The following RABGAP1 variants were observed in gnomAD, a reference collection of about 807,000 sequenced individuals.
RABGAP1 encodes rab GTPase-activating protein 1.
RABGAP1 carries 23 observed loss-of-function variants against 137.6 expected under a neutral mutation model. The observed-to-expected ratio is 0.17, with a 90% CI of 0.12 to 0.24. The LOEUF (loss-of-function observed/expected upper bound fraction) is 0.24, where lower values mean the gene tolerates loss of function less well. Ranked by LOEUF, RABGAP1 falls within the 10% of genes least tolerant of loss-of-function variation. The pLI is 1.00. For missense variants in RABGAP1, 906 were observed against 1,275.8 expected (o/e 0.71, Z 4.42); for synonymous variants, 451 against 450.7 (o/e 1.00, Z -0.01).
At chr9:122,973,704 C>G (rs1835599819) in intron 2 of RABGAP1, among the ~76,000 whole-genome samples, 1 of 152,128 alleles carries the variant, frequency 6.6e-6, no homozygotes, top group Non-Finnish European at 1.5e-5. Context: ...GTTTCTGATA[C>G]TGCTTTTTTA....
intron 10 of RABGAP1, among the ~76,000 whole-genome samples, chr9:123,009,801 C>T (rs892140408): frequency 6.9e-6 from 1 of 145,624 alleles, no homozygotes; most frequent in Non-Finnish European, 1.5e-5. Context: ...TGACCCCACC[C>T]CAACTCCAAG....
intron 4 of RABGAP1, among the ~76,000 whole-genome samples, chr9:122,988,851 G>C (rs140180182): frequency 1.9e-3 from 290 of 151,520 alleles, no homozygotes; most frequent in African/African-American, 6.2e-3. Flanking sequence ...GCTGAGGCAG[G>C]AGAATCACTT....
At chr9:123,058,807 CAAGGTTT>C (rs2033852693) in intron 13 of RABGAP1, among the ~76,000 whole-genome samples, 2 of 152,104 alleles carry the variant, frequency 1.3e-5, no homozygotes, top group South Asian at 4.2e-4. Flanking sequence ...AAGTGGAAAA[CAAGGTTT>C]AATTTGTTAA....
intron 13 of RABGAP1, among the ~76,000 whole-genome samples, chr9:123,060,854 GTTA>G (rs146761057): frequency 3.3e-5 from 5 of 152,240 alleles, no homozygotes; most frequent in East Asian, 1.9e-4. Flanking sequence ...TTTAACATTT[GTTA>G]TTATGTGAAA....
At chr9:122,974,968 T>A (rs150086521) in intron 2 of RABGAP1, among the ~76,000 whole-genome samples, 20 of 152,312 alleles carry the variant, frequency 1.3e-4, no homozygotes, top group African/African-American at 4.3e-4. Flanking sequence ...AATATCCAAA[T>A]TGGACTTTTG....
At chr9:123,072,687 T>C (rs569505232) in intron 15 of RABGAP1, among the ~76,000 whole-genome samples, 1 of 152,350 alleles carries the variant, frequency 6.6e-6, no homozygotes, top group Admixed American at 6.5e-5. Flanking sequence ...CCAGATACTC[T>C]TAACTTACCA....
At chr9:123,009,170 A>G (rs549265062) in intron 10 of RABGAP1, among the ~76,000 whole-genome samples, 14 of 152,362 alleles carry the variant, frequency 9.2e-5, no homozygotes, top group Admixed American at 7.8e-4. Context: ...CTTTTGCACT[A>G]TAACAGCAGA....
At chr9:123,100,389 G>A (rs1186501292) in intron 24 of RABGAP1, among the ~76,000 whole-genome samples, 1 of 19,182 alleles carries the variant, frequency 5.2e-5, no homozygotes, top group African/African-American at 7.6e-5. Flanking sequence ...CCAGATGTGT[G>A]TGTGTGTGTG....
chr9:123,076,805 G>T (rs553253870), intron 19 of RABGAP1, 43 bp downstream of exon 19: 2 of 1,461,016 alleles, frequency 1.4e-6, no homozygotes, highest in Admixed American at 2.1e-5. Context: ...TTTTCACTTA[G>T]TGTCTCACTA....
At chr9:123,080,152 G>A (rs1270869130) in intron 19 of RABGAP1, among the ~76,000 whole-genome samples, 1 of 152,154 alleles carries the variant, frequency 6.6e-6, no homozygotes, top group Non-Finnish European at 1.5e-5. Context: ...TGGAAAGGTG[G>A]GGAAAGTCCA....
In RABGAP1 at chr9:122,941,025, G is replaced by C. The variant is rs2131558605; in HGVS notation, c.-118G>C. ...TGGGGGGGCGGGGACAGGGCGGTTT[G>C]GGAGGCCCAGGCGGCGGAGCCTCCG... is the stretch of plus-strand genomic sequence containing the variant. On this transcript the variant is annotated 5_prime_UTR_variant, in exon 1 of 26. Transcript: ENST00000373647. 1 of 152,800 alleles carries C rather than the reference G, an allele frequency of 6.5e-6. No homozygotes were observed. Among genetic ancestry groups the C allele is most frequent in the East Asian group, 1.9e-4 (1 of 5,168 alleles). 9.5% of individuals were successfully genotyped at this position (152,800 alleles called of 1,614,324 possible).
Position 122,986,258 on chromosome 9 carries a change from C to T in RABGAP1, c.429C>T (p.Asp143=), listed in dbSNP as rs767228466. 53 of 1,614,052 alleles carry T rather than the reference C, an allele frequency of 3.3e-5. No individual in the cohort carries two copies. The highest frequency in any genetic ancestry group is 4.3e-5 in the Non-Finnish European group (51 of 1,180,026). ...SSPFTPVADE[D]SVVFSKLTYL... The stretch of plus-strand genomic sequence containing the variant: ...CTTTCACACCAGTGGCCGATGAGGA[C>T]AGCGTAGTTTTCAGTAAACTGACTT... The change falls in exon 4 of 26, where the codon GAC becomes GAT. Residue 143 remains aspartate (D), a synonymous_variant. Coordinates refer to ENST00000373647, the MANE Select transcript of RABGAP1 (RefSeq NM_012197.4).
chr9:123,036,337 C>T (rs1278105670), intron 13 of RABGAP1, among the ~76,000 whole-genome samples: 1 of 152,128 alleles, frequency 6.6e-6, no homozygotes, highest in African/African-American at 2.4e-5. Flanking sequence ...GATATGTGTG[C>T]GTAGAAGTAA....
chr9:122,974,608 A>G (rs865927706), intron 2 of RABGAP1, among the ~76,000 whole-genome samples: 56 of 152,064 alleles, frequency 3.7e-4, no homozygotes, highest in African/African-American at 1.3e-3. Flanking sequence ...CCTAGGTAAC[A>G]TGATGGGACC....
intron 13 of RABGAP1, chr9:123,029,551 T>C (rs2032182135): frequency 2.6e-6 from 2 of 768,896 alleles, no homozygotes; most frequent in Non-Finnish European, 4.8e-6. Context: ...CAACTGGAGT[T>C]ATAAGTTTAT....
At chr9:122,989,114 GA>G (rs1836527672) in intron 4 of RABGAP1, among the ~76,000 whole-genome samples, 182 bp from the exon 5 acceptor site, 1 of 151,900 alleles carries the variant, frequency 6.6e-6, no homozygotes. Flanking sequence ...TAGTACTATG[GA>G]ATTACGTAAT....
At chr9:122,995,256 T>C (rs1482259141) in intron 6 of RABGAP1, among the ~76,000 whole-genome samples, 1 of 152,218 alleles carries the variant, frequency 6.6e-6, no homozygotes, top group Non-Finnish European at 1.5e-5. Context: ...GACAACAGCT[T>C]ATTGGCCATA....
At chr9:123,071,129 C>T (rs1735236602) in intron 15 of RABGAP1, among the ~76,000 whole-genome samples, 1 of 152,106 alleles carries the variant, frequency 6.6e-6, no homozygotes, top group South Asian at 2.1e-4. Context: ...ATCATAATAC[C>T]ATGATCACAT....
chr9:122,938,230 C>T (rs907243421), upstream of RABGAP1: 1 of 152,090 alleles, frequency 6.6e-6, no homozygotes, highest in African/African-American at 2.4e-5. Flanking sequence ...CCCCTTTTCC[C>T]TGCTCTAGTT....
Sources: gnomAD v4.1 joint callset for allele counts (sites outside exome capture counted in the v4.1 genomes callset) on GRCh38, gnomAD v4.1.1 for gene constraint, MANE v1.5 for transcripts, NCBI Gene and HGNC (gene_info 2026-07-23, HGNC 2026-07-21) for gene names.